The following SNRNP40 variants were observed in gnomAD, a reference collection of about 807,000 sequenced individuals.
SNRNP40 encodes U5 small nuclear ribonucleoprotein 40 kDa protein.
SNRNP40 carries 21 observed loss-of-function variants against 45.8 expected under a neutral mutation model. The ratio of observed to expected loss-of-function variants is 0.46; its 90% CI spans 0.32 to 0.66. The LOEUF is 0.66. SNRNP40 is among the 30% of genes least tolerant of loss of function. SNRNP40 has a pLI of 0.03. For synonymous variants in SNRNP40, 142 were observed against 163.8 expected (o/e 0.87, Z 1.01); for missense variants, 344 against 439.1 (o/e 0.78, Z 1.94).
intron 4 of SNRNP40, among the ~76,000 whole-genome samples, chr1:31,286,495 G>GC (rs1646060443): frequency 6.6e-6 from 1 of 152,058 alleles, no homozygotes; most frequent in Non-Finnish European, 1.5e-5. Context: ...TCATCACTCT[G>GC]CTACGGCTCT....
chr1:31,269,233 G>A lies in SNRNP40; in HGVS notation c.783C>T (p.Val261=), dbSNP rs1435060452. The part of the protein sequence containing the change: ...LSNAMDNTVR[V]WDVRPFAPKE... ...TGGGGGCAAATGGCCGGACATCCCAGACACGAACTGCAAAACAAATCCAAA... is the reference window on the plus strand; with the variant it reads ...TGGGGGCAAATGGCCGGACATCCCAAACACGAACTGCAAAACAAATCCAAA... Residue 261 remains valine, a synonymous_variant, in exon 7 of 10, where the codon GTC becomes GTT. Transcript: ENST00000263694. 1.2e-6 allele frequency: 2 copies of A among 1,612,814 alleles called. No homozygotes were observed.
intron 1 of SNRNP40, among the ~76,000 whole-genome samples, chr1:31,295,607 A>C (rs549931307): frequency 7.9e-5 from 12 of 152,342 alleles, no homozygotes; most frequent in African/African-American, 2.6e-4. Context: ...CAGAGAGGTA[A>C]AGGGAAAGAG....
At chr1:31,260,863 CAAAA>C (rs755455035) in intron 9 of SNRNP40, 67 of 474,728 alleles carry the variant, frequency 1.4e-4, no homozygotes, top group South Asian at 6.6e-4. Context: ...GACTCTGTCT[CAAAA>C]AAAAAAAAAA....
intron 5 of SNRNP40, among the ~76,000 whole-genome samples, chr1:31,273,399 TG>T (rs1216564944): frequency 6.6e-6 from 1 of 152,046 alleles, no homozygotes; most frequent in Non-Finnish European, 1.5e-5. Context: ...TCCAGCACTT[TG>T]GGAGGCCAAG....
chr1:31,267,678 G>C (rs1645908884), intron 8 of SNRNP40, among the ~76,000 whole-genome samples, 193 bp downstream of exon 8: 1 of 152,170 alleles, frequency 6.6e-6, no homozygotes, highest in Non-Finnish European at 1.5e-5. Context: ...TGGGATTACA[G>C]GCATGTGCCG....
At chr1:31,292,045 A>G (rs1410804231) in intron 2 of SNRNP40, 39 bp from the exon 3 acceptor site, 1 of 1,310,026 alleles carries the variant, frequency 7.6e-7, no homozygotes, top group Non-Finnish European at 1.1e-6. Flanking sequence ...TACTAGGCAA[A>G]GGGTACTTAT....
At chr1:31,276,890 G>A (rs1013949801) in intron 5 of SNRNP40, among the ~76,000 whole-genome samples, 22 of 152,078 alleles carry the variant, frequency 1.4e-4, no homozygotes, top group Admixed American at 1.3e-3. Context: ...AAATATTAGT[G>A]GGACGTGGTG....
intron 6 of SNRNP40, among the ~76,000 whole-genome samples, chr1:31,270,747 A>G (rs1031952864): frequency 9.8e-5 from 15 of 152,338 alleles, no homozygotes; most frequent in Admixed American, 8.5e-4. Flanking sequence ...AATACATTTT[A>G]GTTCCTGACA....
At chr1:31,280,113 C>CA (rs577919252) in intron 5 of SNRNP40, among the ~76,000 whole-genome samples, 29,302 of 67,642 alleles carry the variant, frequency 0.43, 7,505 homozygotes, top group Non-Finnish European at 0.55. Context: ...GACTCTGACT[C>CA]AAAAAAAAAA....
chr1:31,271,254 T>C (rs1053298746), intron 6 of SNRNP40, 125 bp downstream of exon 6: 2 of 955,704 alleles, frequency 2.1e-6, no homozygotes, highest in East Asian at 2.4e-5. Flanking sequence ...ACTACAGTCC[T>C]AGATTCTTGA....
rs538369202 is a variant in SNRNP40 at position 31,279,363 on chromosome 1, TAAAGCTC to T, written c.654+2004_654+2010del. ...GCAAAGCTTAAATGAATTAATGATG[TAAAGCTC>T]TGAGAACAACAACTGGCAGAAAGTA... On this transcript the variant is annotated intron_variant, in intron 5 of 9. Transcript: ENST00000263694. Among the ~76,000 whole-genome samples, 172 of 152,354 alleles carry T rather than the reference TAAAGCTC, an allele frequency of 1.1e-3. 2 individuals are homozygous for T. Among genetic ancestry groups the T allele is most frequent in the African/African-American group, 4.1e-3 (170 of 41,584 alleles).
At chr1:31,269,936 C>T (rs1645925229) in intron 6 of SNRNP40, among the ~76,000 whole-genome samples, 1 of 152,128 alleles carries the variant, frequency 6.6e-6, no homozygotes, top group Non-Finnish European at 1.5e-5. Flanking sequence ...GAGTTTCGCT[C>T]TTGTTGCCTA....
At chr1:31,261,253 A>T in intron 9 of SNRNP40, 1 of 411,904 alleles carries the variant, frequency 2.4e-6, no homozygotes, top group Non-Finnish European at 4.5e-6. Context: ...TGGGAGGCTG[A>T]GGCAGGAGAA....
intron 6 of SNRNP40, chr1:31,269,646 T>A (rs180939275): frequency 3.2e-6 from 1 of 312,088 alleles, no homozygotes; most frequent in Non-Finnish European, 5.8e-6. Context: ...CAAACTTACA[T>A]CGCCCTTTCC....
intron 3 of SNRNP40, among the ~76,000 whole-genome samples, chr1:31,291,616 G>A (rs1050879499): frequency 3.3e-5 from 5 of 152,138 alleles, no homozygotes; most frequent in African/African-American, 1.2e-4. Flanking sequence ...GGTTGAGGCT[G>A]CAGTGAGCCA....
chr1:31,273,203 G>T (rs951289555), intron 5 of SNRNP40, among the ~76,000 whole-genome samples: 1 of 152,148 alleles, frequency 6.6e-6, no homozygotes, highest in African/African-American at 2.4e-5. Flanking sequence ...CTTCTGAGAA[G>T]GCACTGTTGA....
intron 5 of SNRNP40, among the ~76,000 whole-genome samples, chr1:31,274,267 T>G (rs1199870298): frequency 1.3e-5 from 2 of 152,146 alleles, no homozygotes; most frequent in African/African-American, 2.4e-5. Context: ...AGACCGAGTC[T>G]CCCTCTGTTG....
At chr1:31,260,863 CAA>C (rs755455035) in intron 9 of SNRNP40, 2,112 of 470,646 alleles carry the variant, frequency 4.5e-3, no homozygotes, top group South Asian at 0.017. Flanking sequence ...GACTCTGTCT[CAA>C]AAAAAAAAAA....
chr1:31,276,554 G>A (rs1645976202), intron 5 of SNRNP40, among the ~76,000 whole-genome samples: 2 of 152,058 alleles, frequency 1.3e-5, no homozygotes, highest in African/African-American at 2.4e-5. Flanking sequence ...TGGGGGTGGG[G>A]GATTCCTGAC....
Sources: allele counts gnomAD v4.1 joint callset (sites outside exome capture counted in the v4.1 genomes callset), GRCh38; gene constraint gnomAD v4.1.1; transcripts MANE v1.5; gene names NCBI Gene and HGNC (gene_info 2026-07-23, HGNC 2026-07-21).